The following EYS variants were observed in gnomAD, a reference collection of about 807,000 sequenced individuals.
The protein encoded by EYS is protein eyes shut homolog.
EYS carries 250 observed loss-of-function variants against 282.1 expected under a neutral mutation model. The observed-to-expected ratio is 0.89, with a 90% CI of 0.80 to 0.98. The LOEUF is 0.98. EYS is among the 50% of genes least tolerant of loss of function. The pLI, the probability that EYS is intolerant of heterozygous loss-of-function variation, is 0.00. For synonymous variants in EYS, 1,355 were observed against 1,282.9 expected (o/e 1.06, Z -1.20); for missense variants, 4,016 against 3,709.0 (o/e 1.08, Z -2.15).
chr6:64,194,823 G>C (rs1765231931), intron 31 of EYS, among the ~76,000 whole-genome samples: 1 of 151,956 alleles, frequency 6.6e-6, no homozygotes, highest in East Asian at 1.9e-4. Context: ...TACTGAGAAA[G>C]GTAAGCTAAA....
At chr6:65,054,379 A>G (rs977363712) in intron 13 of EYS, among the ~76,000 whole-genome samples, 3 of 152,018 alleles carry the variant, frequency 2.0e-5, no homozygotes, top group African/African-American at 7.2e-5. Flanking sequence ...CAACTCCAAG[A>G]AGAATGTAGA....
chr6:63,798,389 T>C (rs1770697132), intron 37 of EYS, among the ~76,000 whole-genome samples: 1 of 152,228 alleles, frequency 6.6e-6, no homozygotes, highest in Admixed American at 6.5e-5. Context: ...GATTTGATAA[T>C]TTGAGGTTCT....
intron 22 of EYS, among the ~76,000 whole-genome samples, chr6:64,652,366 G>A (rs1469690439): frequency 6.6e-6 from 1 of 152,174 alleles, no homozygotes; most frequent in Non-Finnish European, 1.5e-5. Flanking sequence ...TGGCCTAGAA[G>A]GAAGCAATAA....
chr6:65,154,768 G>A (rs1416979648), intron 12 of EYS, among the ~76,000 whole-genome samples: 1 of 151,318 alleles, frequency 6.6e-6, no homozygotes, highest in African/African-American at 2.4e-5. Context: ...TAAAAAAATG[G>A]ACATGAGTCT....
chr6:64,502,252 G>T (rs1385521551), intron 26 of EYS, among the ~76,000 whole-genome samples: 1 of 150,882 alleles, frequency 6.6e-6, no homozygotes, highest in Non-Finnish European at 1.5e-5. Flanking sequence ...GTTTTGTTTT[G>T]TTTTTTTTGC....
intron 18 of EYS, among the ~76,000 whole-genome samples, chr6:64,899,744 G>GA (rs1562249579): frequency 6.6e-6 from 1 of 152,012 alleles, no homozygotes; most frequent in Non-Finnish European, 1.5e-5. Context: ...ACAAAAAAAT[G>GA]AAAAAAATTC....
chr6:65,569,729 T>C (rs1367277919), intron 2 of EYS, among the ~76,000 whole-genome samples: 1 of 152,092 alleles, frequency 6.6e-6, no homozygotes, highest in Non-Finnish European at 1.5e-5. Flanking sequence ...TTTGATTCCC[T>C]CTGATTTTAT....
intron 8 of EYS, among the ~76,000 whole-genome samples, chr6:65,380,751 C>T (rs1191089938): frequency 6.6e-6 from 1 of 151,972 alleles, no homozygotes; most frequent in Non-Finnish European, 1.5e-5. Context: ...CCAGAATCTA[C>T]AAGGAAGTTA....
chr6:65,463,518 A>G (rs1355843836), intron 5 of EYS, among the ~76,000 whole-genome samples: 2 of 152,198 alleles, frequency 1.3e-5, no homozygotes. Context: ...TACCTAATAC[A>G]GTGCTTGACA....
Position 64,821,831 on chromosome 6 carries a change from C to A in EYS, c.3165-108G>T, listed in dbSNP as rs1020748170. On this transcript the variant is annotated intron_variant, in intron 20 of 42. Transcript: ENST00000503581. ...TCTTTCCTAGTTCAGGTGAAAAAAG[C>A]ACTCCCATGAGCAATACAAAGCAGA... 1.1e-5 allele frequency: 7 copies of A among 613,670 alleles called. No individual in the cohort carries two copies. The Admixed American group carries it at 1.8e-4, about 16-fold the overall frequency. 38.0% of individuals were successfully genotyped at this position (613,670 alleles called of 1,614,324 possible).
chr6:64,582,877 A>G (rs376510043), intron 26 of EYS, among the ~76,000 whole-genome samples: 2 of 152,266 alleles, frequency 1.3e-5, no homozygotes, highest in East Asian at 3.9e-4. Flanking sequence ...TAGCAGATGT[A>G]CAGGAAAGAA....
intron 5 of EYS, among the ~76,000 whole-genome samples, chr6:65,462,286 G>A (rs765354535): frequency 6.6e-6 from 1 of 152,090 alleles, no homozygotes; most frequent in African/African-American, 2.4e-5. Context: ...GAACAGATGA[G>A]TGATTGGTAG....
chr6:64,687,645 C>T (rs918955372), intron 22 of EYS, among the ~76,000 whole-genome samples: 1 of 152,180 alleles, frequency 6.6e-6, no homozygotes, highest in Admixed American at 6.5e-5. Flanking sequence ...AGGATTTTTG[C>T]ATCAATGTTC....
chr6:65,446,097 T>C (rs1178719631), intron 5 of EYS, among the ~76,000 whole-genome samples: 1 of 151,810 alleles, frequency 6.6e-6, no homozygotes, highest in East Asian at 1.9e-4. Context: ...TTGCCTAATG[T>C]CAATTAGTGG....
intron 31 of EYS, among the ~76,000 whole-genome samples, chr6:64,208,353 G>A (rs541950068): frequency 6.6e-6 from 1 of 152,224 alleles, no homozygotes; most frequent in Admixed American, 6.5e-5. Flanking sequence ...TATTAAATAT[G>A]TATTTTATTA....
chr6:64,211,812 C>T (rs1414483150), intron 31 of EYS, among the ~76,000 whole-genome samples: 2 of 150,766 alleles, frequency 1.3e-5, no homozygotes, highest in African/African-American at 4.9e-5. Flanking sequence ...ACTGTTTAAC[C>T]TTCTCAAAAA....
intron 31 of EYS, among the ~76,000 whole-genome samples, chr6:64,189,328 T>C (rs1765038534): frequency 6.6e-6 from 1 of 152,196 alleles, no homozygotes; most frequent in African/African-American, 2.4e-5. Context: ...ACCCATGAGC[T>C]AAGAATAGTT....
intron 35 of EYS, among the ~76,000 whole-genome samples, chr6:63,969,740 C>G (rs1159645125): frequency 6.6e-6 from 1 of 152,210 alleles, no homozygotes; most frequent in Admixed American, 6.5e-5. Context: ...CTTCATCCCC[C>G]ACAGGACCAG....
intron 7 of EYS, among the ~76,000 whole-genome samples, chr6:65,396,549 A>C (rs1348796520): frequency 1.3e-5 from 2 of 152,014 alleles, no homozygotes; most frequent in Non-Finnish European, 2.9e-5. Flanking sequence ...CTCCATTGTC[A>C]TAGCCTGATA....
Sources: allele counts gnomAD v4.1 joint callset (sites outside exome capture counted in the v4.1 genomes callset), GRCh38; gene constraint gnomAD v4.1.1; transcripts MANE v1.5; gene names NCBI Gene and HGNC (gene_info 2026-07-23, HGNC 2026-07-21).